Variants in CSF3R observed in about 807,000 individuals in gnomAD.
CSF3R encodes granulocyte colony-stimulating factor receptor.
CSF3R carries 52 observed loss-of-function variants against 84.4 expected under a neutral mutation model. That is an observed-to-expected ratio of 0.62 (90% CI 0.49 to 0.78). The LOEUF (loss-of-function observed/expected upper bound fraction) is 0.78, where lower values mean the gene tolerates loss of function less well. Among genes scored for constraint, CSF3R ranks in the 30% least tolerant of loss-of-function variants. The pLI is 0.00. For synonymous variants in CSF3R, 384 were observed against 429.1 expected (o/e 0.89, Z 1.30); for missense variants, 890 against 1,055.7 (o/e 0.84, Z 2.17).
Position 36,467,104 on chromosome 1 carries a change from G to T in CSF3R, c.2040+126C>A. 1 of 1,293,820 alleles carries T rather than the reference G, an allele frequency of 7.7e-7. No homozygotes were observed. The highest frequency in any genetic ancestry group is 1.1e-6 in the Non-Finnish European group (1 of 902,190). 80.1% of individuals were successfully genotyped at this position (1,293,820 alleles called of 1,614,324 possible). A position where few individuals can be genotyped will look rare whatever the true frequency, so the allele number is the denominator to read the frequency against. ...GGGATTCAAAGTTGGGTCTGCTTCA[G>T]TCCAAAGGGACGAGATGTTGCCGGA... is the stretch of plus-strand genomic sequence containing the variant. On this transcript the variant is annotated intron_variant, in intron 16 of 16. Coordinates refer to ENST00000373106, the MANE Select transcript of CSF3R (RefSeq NM_000760.4). The surrounding 1 kb of genome is among the most constrained non-coding windows in gnomAD (Gnocchi z 4.1).
chr1:36,479,222 G>C (rs929441052), intron 3 of CSF3R: 57 of 640,398 alleles, frequency 8.9e-5, no homozygotes, highest in African/African-American at 8.4e-4. Flanking sequence ...AGGATGACCA[G>C]CCCGGGTCGT....
chr1:36,479,064 G>C (rs967621226), intron 3 of CSF3R: 2 of 360,176 alleles, frequency 5.6e-6, no homozygotes, highest in Admixed American at 7.6e-5. Flanking sequence ...CTCTGCCTGG[G>C]CTTCTTTATT....
chr1:36,472,642 C>T lies in CSF3R; in HGVS notation c.718G>A (p.Glu240Lys). The change falls in exon 7 of 17, where the codon GAA becomes AAA. Residue 240 changes from glutamate to lysine, a missense_variant. Glu to Lys is a moderately conservative substitution (Grantham distance 56). Coordinates refer to ENST00000373106, the MANE Select transcript of CSF3R (RefSeq NM_000760.4). This position sits in a 1 kb window ranked among gnomAD's most constrained non-coding sequence, Gnocchi z 5.0. Reference protein sequence around the residue: ...PMLRTMDPSPEAAPPQAGCLQ... With the variant: ...PMLRTMDPSPKAAPPQAGCLQ... ...CAGCCTGCCTGGGGAGGGGCCGCTT[C>T]AGGGCTGGGGTCCATGGTCCGCAGC... 1 of 1,611,310 alleles carries T rather than the reference C, an allele frequency of 6.2e-7. No homozygotes were observed. The highest frequency in any genetic ancestry group is 8.5e-7 in the Non-Finnish European group (1 of 1,178,626).
rs768137002 is a variant in CSF3R, at chr1:36,475,504, C to T, written c.234G>A (p.Leu78=). 3.1e-5 allele frequency: 50 copies of T among 1,614,124 alleles called. No homozygotes were observed. In the South Asian group the frequency reaches 3.8e-4, roughly 12 times the overall value. The change falls in exon 4 of 17, where the codon CTG becomes CTA. Residue 78 remains leucine (L), a synonymous_variant. Transcript: ENST00000373106. ...ELQPGGRQQR[L]SDGTQESIIT... ...TGATAGATTCCTGGGTCCCATCAGA[C>T]AGACGCTGCTGCCTGCCCCCGGGCT... is the stretch of plus-strand genomic sequence containing the variant.
In CSF3R at chr1:36,467,467, A is replaced by G; in HGVS notation, c.1958+91T>C. Reference sequence around the variant, plus strand: ...TCAGACATGGGCCCCAAAGTTTGGGAAGGCTGGAAGGGACTTAGATGGGCC... The same window carrying G: ...TCAGACATGGGCCCCAAAGTTTGGGGAGGCTGGAAGGGACTTAGATGGGCC... On this transcript the variant is annotated intron_variant, in intron 15 of 16. Coordinates refer to ENST00000373106, the MANE Select transcript of CSF3R (RefSeq NM_000760.4). This position sits in a 1 kb window ranked among gnomAD's most constrained non-coding sequence, Gnocchi z 4.1. 1 of 1,454,412 alleles carries G rather than the reference A, an allele frequency of 6.9e-7. No homozygotes were observed. Among genetic ancestry groups the G allele is most frequent in the Non-Finnish European group, 9.6e-7 (1 of 1,037,398 alleles). The allele number at this position is 1,454,412 out of a possible 1,614,324, so 90.1% of individuals were successfully genotyped here.
At position 36,472,157 on chromosome 1, in the gene CSF3R, A is replaced by G; in HGVS notation, c.998-18T>C. 1 of 1,614,030 alleles carries G rather than the reference A, an allele frequency of 6.2e-7. No homozygotes were observed. Among genetic ancestry groups the G allele is most frequent in the Non-Finnish European group, 8.5e-7 (1 of 1,179,998 alleles). On this transcript the variant is annotated intron_variant, in intron 8 of 16. Transcript: ENST00000373106. This position sits in a 1 kb window ranked among gnomAD's most constrained non-coding sequence, Gnocchi z 5.0. ...AGTGGGGGCTGTGGATGGAACAAGA[A>G]GAGGGGGTGCCAGTTGGGGAGGGGC...
chr1:36,474,075 C>T (rs923754245), intron 4 of CSF3R, among the ~76,000 whole-genome samples, 188 bp from the exon 5 acceptor site: 5 of 152,202 alleles, frequency 3.3e-5, no homozygotes, highest in Non-Finnish European at 1.5e-5. Flanking sequence ...CAGGCATGCA[C>T]CGGGGCAAGC....
intron 6 of CSF3R, 145 bp downstream of exon 6, chr1:36,473,290 C>T: frequency 1.1e-6 from 1 of 888,650 alleles, no homozygotes; most frequent in Non-Finnish European, 1.7e-6. Context: ...CCAGCTGCAC[C>T]TTTCTTTGTC....
At chr1:36,470,779 T>C (rs968518471) in intron 10 of CSF3R, among the ~76,000 whole-genome samples, 4 of 152,168 alleles carry the variant, frequency 2.6e-5, no homozygotes, top group Non-Finnish European at 4.4e-5. Flanking sequence ...GGGCTTTCTC[T>C]CTTGGCTTTC....
In CSF3R at chr1:36,472,610, C is replaced by G; in HGVS notation, c.750G>C (p.Gln250His). 1 of 1,613,330 alleles carries G rather than the reference C, an allele frequency of 6.2e-7. No individual in the cohort carries two copies. Among genetic ancestry groups the G allele is most frequent in the Non-Finnish European group, 8.5e-7 (1 of 1,179,540 alleles). ...EAAPPQAGCLQLCWEPWQPGL... is the reference protein window; with the variant it reads ...EAAPPQAGCLHLCWEPWQPGL... ...CTGGCTGCCATGGCTCCCAGCACAG[C>G]TGTAGGCAGCCTGCCTGGGGAGGGG... is the stretch of plus-strand genomic sequence containing the variant. The change falls in exon 7 of 17, where the codon CAG (glutamine) becomes CAC (histidine). Residue 250 changes from glutamine to histidine, a missense_variant. Physicochemically the swap from Gln to His is conservative, Grantham distance 24 (BLOSUM62 0). Transcript: ENST00000373106. The surrounding 1 kb of genome is among the most constrained non-coding windows in gnomAD (Gnocchi z 5.0).
At chr1:36,469,509 A>C (rs1650563072) in intron 11 of CSF3R, 143 bp downstream of exon 11, 1 of 1,038,886 alleles carries the variant, frequency 9.6e-7, no homozygotes, top group Non-Finnish European at 1.5e-6. Flanking sequence ...GATTATGAGG[A>C]TATGAAATGA....
At position 36,469,738 on chromosome 1, in the gene CSF3R, C is replaced by T. The variant is rs374536805; in HGVS notation, c.1388G>A (p.Trp463Ter). 2.5e-6 allele frequency: 4 copies of T among 1,614,102 alleles called. No homozygotes were observed. In the African/African-American group the frequency reaches 5.3e-5, roughly 22 times the overall value. Residue 463 changes from tryptophan (W) to a stop codon, truncating the protein, a stop_gained, in exon 11 of 17, where the codon TGG becomes TAG. Transcript: ENST00000373106. LOFTEE classifies it high-confidence loss of function. ...NPWPQGYVIEWGLGPPSASNS... is the reference protein window; with the variant it reads ...NPWPQGYVIE ...GCTCGCGCTGGGGGGGCCCAGGCCC[C>T]ACTCAATCACATAGCCCTGAGGCCA...
chr1:36,469,558 C>A, intron 11 of CSF3R, 94 bp downstream of exon 11: 1 of 1,426,514 alleles, frequency 7.0e-7, no homozygotes, highest in Non-Finnish European at 9.8e-7. Flanking sequence ...GAATCCATGT[C>A]TCTTGGGCAG....
chr1:36,470,122 TGTTCTTGGTATGTGTCAGGCGTA>T (rs1234990599), intron 10 of CSF3R, among the ~76,000 whole-genome samples: 2 of 152,208 alleles, frequency 1.3e-5, no homozygotes, highest in African/African-American at 2.4e-5. Context: ...AACACTCTAT[TGTTCTTGGTATGTGTCAGGCGTA>T]GTCCTTGATA....
In CSF3R at chr1:36,466,251, G is replaced by A; in HGVS notation, c.*106C>T. ...ATGCTGGTGACTGGAGATGGTGAGA[G>A]CCTGGGCTGGGGTAGTTTTTAGTCA... On this transcript the variant is annotated 3_prime_UTR_variant, in exon 17 of 17. Coordinates refer to ENST00000373106, the MANE Select transcript of CSF3R (RefSeq NM_000760.4). This position sits in a 1 kb window ranked among gnomAD's most constrained non-coding sequence, Gnocchi z 4.6. 1 of 1,613,714 alleles carries A rather than the reference G, an allele frequency of 6.2e-7. No individual in the cohort carries two copies. The highest frequency in any genetic ancestry group is 8.5e-7 in the Non-Finnish European group (1 of 1,179,804).
At chr1:36,468,848 A>C (rs1338005368) in intron 12 of CSF3R, 1 of 379,316 alleles carries the variant, frequency 2.6e-6, no homozygotes, top group South Asian at 2.4e-5. Context: ...GGTGTGAGCC[A>C]CTGCACCCGG....
rs3917919 is a variant in CSF3R, at chr1:36,481,128, C to T, written c.-21+350G>A. Among the ~76,000 whole-genome samples, 694 of 152,326 alleles carry T rather than the reference C, an allele frequency of 4.6e-3. 4 individuals are homozygous for T. The highest frequency in any genetic ancestry group is 0.016 in the African/African-American group (655 of 41,576). ...CAGATTTTGGGACACTGGTTTTCAT[C>T]TCCATGTGCTTTTGATCCTATCCCA... On this transcript the variant is annotated intron_variant, in intron 2 of 16. Coordinates refer to ENST00000373106, the MANE Select transcript of CSF3R (RefSeq NM_000760.4).
In CSF3R at chr1:36,473,561, G is replaced by C; in HGVS notation, c.547C>G (p.Gln183Glu). 1 of 1,614,192 alleles carries C rather than the reference G, an allele frequency of 6.2e-7. No homozygotes were observed. The highest frequency in any genetic ancestry group is 8.5e-7 in the Non-Finnish European group (1 of 1,180,052). The change falls in exon 6 of 17, where the codon CAG becomes GAG. Residue 183 changes from glutamine to glutamate, a missense_variant. By Grantham distance (29) the Gln-to-Glu change is conservative (BLOSUM62 2). Coordinates refer to ENST00000373106, the MANE Select transcript of CSF3R (RefSeq NM_000760.4). Reference sequence around the variant, plus strand: ...TTGCGTGGGATGCAGCAGTGGCTCTGCCCGTCCTTGGGCACGCAGTCCAGG... The same window carrying C: ...TTGCGTGGGATGCAGCAGTGGCTCTCCCCGTCCTTGGGCACGCAGTCCAGG... ...SILDCVPKDGQSHCCIPRKHL... is the reference protein window; with the variant it reads ...SILDCVPKDGESHCCIPRKHL...
Position 36,471,460 on chromosome 1 carries a change from T to C in CSF3R, c.1258A>G (p.Thr420Ala), listed in dbSNP as rs1479865089. The C allele has an allele frequency of 3.7e-6, 6 of 1,614,076 alleles. No individual in the cohort carries two copies. Among genetic ancestry groups the C allele is most frequent in the Non-Finnish European group, 5.1e-6 (6 of 1,179,982 alleles). The change falls in exon 10 of 17, where the codon ACT becomes GCT. Residue 420 changes from threonine (T) to alanine (A), a missense_variant. By Grantham distance (58) the Thr-to-Ala change is moderately conservative. Transcript: ENST00000373106. The stretch of plus-strand genomic sequence containing the variant: ...CTGCTTTCTGAGAAGACCACCGGAG[T>C]GGGACGAGAGGTCCCGGCTGAGTTA... ...AYNSAGTSRP[T>A]PVVFSESRGP... is the part of the protein sequence containing the mutation.
Sources: gnomAD v4.1 joint callset for allele counts (sites outside exome capture counted in the v4.1 genomes callset) on GRCh38, gnomAD v4.1.1 for gene constraint, Gnocchi (gnomAD v3.1) non-coding constraint, MANE v1.5 for transcripts, NCBI Gene and HGNC (gene_info 2026-07-23, HGNC 2026-07-21) for gene names.